Variants in SPTBN5 observed in about 807,000 individuals in gnomAD.
The protein encoded by SPTBN5 is spectrin beta chain, non-erythrocytic 5.
SPTBN5 carries 513 observed loss-of-function variants against 477.6 expected under a neutral mutation model. That is an observed-to-expected ratio of 1.07 (90% CI 1.00 to 1.16). SPTBN5 has a LOEUF of 1.16. Among genes scored for constraint, SPTBN5 ranks in the 50% most tolerant of loss-of-function variants. SPTBN5 has a pLI of 0.00. For missense variants in SPTBN5, 5,062 were observed against 4,731.8 expected (o/e 1.07, Z -2.05); for synonymous variants, 2,169 against 2,011.7 (o/e 1.08, Z -2.09).
chr15:41,876,353 T>C, intron 20 of SPTBN5, 69 bp from the exon 21 acceptor site: 2 of 1,474,364 alleles, frequency 1.4e-6, no homozygotes, highest in Non-Finnish European at 9.0e-7. Context: ...GCCCTGCATC[T>C]GAGGGTGGTG....
rs766019765 is a variant in SPTBN5, at chr15:41,866,509, C to T, written c.6481-16G>A. ...AGTCCTCAGCCTGGTGGGGGTGGGACATGAATGCTGCAATGTTCTGCAGCC... is the reference window on the plus strand; with the variant it reads ...AGTCCTCAGCCTGGTGGGGGTGGGATATGAATGCTGCAATGTTCTGCAGCC... On this transcript the variant is annotated splice_polypyrimidine_tract_variant and intron_variant, in intron 36 of 67. Coordinates refer to ENST00000320955, the MANE Select transcript of SPTBN5 (RefSeq NM_016642.4). 1.9e-6 allele frequency: 3 copies of T among 1,538,850 alleles called. No homozygotes were observed. The highest frequency in any genetic ancestry group is 2.8e-5 in the African/African-American group (2 of 72,388).
In SPTBN5 at chr15:41,881,500, A is replaced by G. The variant is rs113231267; in HGVS notation, c.2458-266T>C. ...GAAAGAGGGCTGTGAGCCAAGCTAT[A>G]CGTGTTTTAAAGAACTTTGGGGGCT... On this transcript the variant is annotated intron_variant, in intron 12 of 67. Coordinates refer to ENST00000320955, the MANE Select transcript of SPTBN5 (RefSeq NM_016642.4). 7.8e-3 allele frequency among the ~76,000 whole-genome samples: 1,181 copies of G among 152,252 alleles called. 19 individuals carry two copies. Among genetic ancestry groups the G allele is most frequent in the African/African-American group, 0.026 (1,100 of 41,516 alleles).
chr15:41,848,669 C>T (rs1329218432), intron 67 of SPTBN5, 41 bp from the exon 68 acceptor site: 4 of 1,612,730 alleles, frequency 2.5e-6, no homozygotes. Context: ...GTATGGCCAC[C>T]CCAGAATCTT....
intron 14 of SPTBN5, 55 bp from the exon 15 acceptor site, chr15:41,879,919 C>G: frequency 6.2e-7 from 1 of 1,606,410 alleles, no homozygotes; most frequent in South Asian, 1.1e-5. Context: ...TTCCACACTC[C>G]CCTCTAGCCT....
Position 41,855,189 on chromosome 15 carries a change from C to T in SPTBN5, c.9423+35G>A, listed in dbSNP as rs753519490. 1.9e-6 allele frequency: 3 copies of T among 1,583,498 alleles called. No individual in the cohort carries two copies. The African/African-American group carries it at 4.0e-5, about 21-fold the overall frequency. ...AGGGCAGGCCTTCCTCAGCCTCTGCCCACTCCCCGTGAGGTTTGCTCAGGA... is the reference window on the plus strand; with the variant it reads ...AGGGCAGGCCTTCCTCAGCCTCTGCTCACTCCCCGTGAGGTTTGCTCAGGA... On this transcript the variant is annotated intron_variant, in intron 55 of 67. Transcript: ENST00000320955.
rs774286267 is a variant in SPTBN5 at position 41,893,347 on chromosome 15, G to C, written c.151C>G (p.Arg51Gly). The C allele has an allele frequency of 6.8e-6, 11 of 1,614,004 alleles. No individual in the cohort carries two copies. Among genetic ancestry groups the C allele is most frequent in the Non-Finnish European group, 9.3e-6 (11 of 1,179,896 alleles). Reference protein sequence around the residue: ...ETGHIRKLQARHMQMQEKTFT... With the variant: ...ETGHIRKLQAGHMQMQEKTFT... ...GTCTTCTCCTGCATCTGCATGTGCC[G>C]GGCCTGTAGCTTGCGAATGTGGCCC... Residue 51 changes from arginine (R) to glycine (G), a missense_variant, in exon 2 of 68, where the codon CGG becomes GGG. Arg to Gly is a moderately radical substitution (Grantham distance 125, BLOSUM62 -2). Coordinates refer to ENST00000320955, the MANE Select transcript of SPTBN5 (RefSeq NM_016642.4).
chr15:41,866,865 C>A, intron 36 of SPTBN5, 94 bp downstream of exon 36: 1 of 1,426,494 alleles, frequency 7.0e-7, no homozygotes, highest in South Asian at 1.4e-5. Flanking sequence ...ACCCCCGAAC[C>A]TGTTTCCGCC....
Position 41,882,997 on chromosome 15 carries a change from G to T in SPTBN5, c.1891C>A (p.Arg631=). Residue 631 remains arginine, a splice_region_variant and synonymous_variant, in exon 9 of 68, where the codon CGG becomes AGG. Transcript: ENST00000320955. The part of the protein sequence containing the change: ...QQSLVALVRA[R]RALLEQTLQR... ...GGAAGAGTTGGGGCAGGCTCTTACC[G>T]GGCCCTGACAAGAGCCACCAGGCTC... 1 of 1,537,884 alleles carries T rather than the reference G, an allele frequency of 6.5e-7. No homozygotes were observed. The highest frequency in any genetic ancestry group is 8.7e-7 in the Non-Finnish European group (1 of 1,145,474).
In SPTBN5 at chr15:41,853,577, C is replaced by T; in HGVS notation, c.9980+5G>A. On this transcript the variant is annotated splice_donor_5th_base_variant and intron_variant, in intron 58 of 67. Transcript: ENST00000320955. ...CTGAGCCGGCAGCTGAGGTAGGACACCTACAGCAGTTCCTGGCAGCGCCCG... is the reference window on the plus strand; with the variant it reads ...CTGAGCCGGCAGCTGAGGTAGGACATCTACAGCAGTTCCTGGCAGCGCCCG... The T allele has an allele frequency of 6.4e-7, 1 of 1,567,282 alleles. No homozygotes were observed. Among genetic ancestry groups the T allele is most frequent in the Non-Finnish European group, 8.7e-7 (1 of 1,153,038 alleles).
Position 41,888,748 on chromosome 15 carries a change from A to G in SPTBN5, c.502-663T>C, listed in dbSNP as rs1358699359. ...AGTGCTGGAATTACAGGTGTTAGCC[A>G]CCATGCCCAGCCTCACTTCCTGTTT... On this transcript the variant is annotated intron_variant, in intron 4 of 67. Transcript: ENST00000320955. Among the ~76,000 whole-genome samples the G allele has an allele frequency of 2.6e-5, 4 of 152,236 alleles. No individual in the cohort carries two copies. In the East Asian group the frequency reaches 7.7e-4, roughly 29 times the overall value.
At chr15:41,851,645 C>CT in intron 63 of SPTBN5, 134 bp downstream of exon 63, 1 of 697,922 alleles carries the variant, frequency 1.4e-6, no homozygotes, top group South Asian at 1.9e-5. Context: ...GCCAAACTGC[C>CT]TGGACAGCAT....
rs1162419045 is a variant in SPTBN5, at chr15:41,876,373, C to T, written c.3952-89G>A. On this transcript the variant is annotated intron_variant, in intron 20 of 67. Transcript: ENST00000320955. ...GCATCTGAGGGTGGTGTGGCCACAG[C>T]CCCTGTTTTCCTCCTCAGGAAAAAC... 2.8e-6 allele frequency: 4 copies of T among 1,446,596 alleles called. No individual in the cohort carries two copies. In the East Asian group the frequency reaches 1.0e-4, roughly 36 times the overall value. The allele number at this position is 1,446,596 out of a possible 1,614,324, so 89.6% of individuals were successfully genotyped here. A position where few individuals can be genotyped will look rare whatever the true frequency, so the allele number is the denominator to read the frequency against.
At chr15:41,858,824 G>GTGGCCTTTCCCT in intron 48 of SPTBN5, 66 bp downstream of exon 48, 1 of 1,551,210 alleles carries the variant, frequency 6.4e-7, no homozygotes, top group African/African-American at 1.4e-5. Flanking sequence ...CCCAGAGGAA[G>GTGGCCTTTCCCT]GGTGGCCTTT....
intron 31 of SPTBN5, 46 bp downstream of exon 31, chr15:41,870,197 G>A (rs2140941321): frequency 6.6e-7 from 1 of 1,524,404 alleles, no homozygotes; most frequent in Non-Finnish European, 8.8e-7. Flanking sequence ...GCCAGCCTGA[G>A]GGGGCTGCAG....
Position 41,862,680 on chromosome 15 carries a change from C to T in SPTBN5, c.7264-20G>A, listed in dbSNP as rs765415939. The T allele has an allele frequency of 1.9e-6, 3 of 1,545,190 alleles. No individual in the cohort carries two copies. In the African/African-American group the frequency reaches 4.1e-5, roughly 21 times the overall value. On this transcript the variant is annotated intron_variant, in intron 42 of 67. Coordinates refer to ENST00000320955, the MANE Select transcript of SPTBN5 (RefSeq NM_016642.4). ...TAGGGACTGCGGGGGAAGCCGGGGT[C>T]AGAGGCTGGGGCAGGGGAGCTCTGG...
In SPTBN5 at chr15:41,856,866, T is replaced by G. The variant is rs1408869219; in HGVS notation, c.8795A>C (p.Gln2932Pro). ...GQSLSAVRHL[Q>P]EQHQNLESEM... ...GTGGGCCCACACCTGGTGCTGCTCC[T>G]GCAGGTGCCGCACCGCACTCAGGCT... is the stretch of plus-strand genomic sequence containing the variant. Residue 2932 changes from glutamine to proline, a missense_variant, in exon 52 of 68, where the codon CAG becomes CCG. Coordinates refer to ENST00000320955, the MANE Select transcript of SPTBN5 (RefSeq NM_016642.4). 2 of 1,547,246 alleles carry G rather than the reference T, an allele frequency of 1.3e-6. No homozygotes were observed. Among genetic ancestry groups the G allele is most frequent in the East Asian group, 4.9e-5 (2 of 40,792 alleles).
Position 41,877,233 on chromosome 15 carries a change from C to T in SPTBN5, c.3594G>A (p.Glu1198=), listed in dbSNP as rs766533235. ...CCTCTTGCAGCCACTGCTGCCTCTG[C>T]TCCCACAAAACCTTCAGCTCCTGGC... The part of the protein sequence containing the change: ...QQGQELKVLW[E]QRQQWLQEGL... The change falls in exon 18 of 68, where the codon GAG becomes GAA. Residue 1198 remains glutamate (E), a synonymous_variant. Transcript: ENST00000320955. 34 of 1,613,914 alleles carry T rather than the reference C, an allele frequency of 2.1e-5. No individual in the cohort carries two copies. The highest frequency in any genetic ancestry group is 2.9e-5 in the Non-Finnish European group (34 of 1,179,916).
In SPTBN5 at chr15:41,868,134, C is replaced by T. The variant is rs776041899; in HGVS notation, c.6142G>A (p.Glu2048Lys). 2.3e-5 allele frequency: 37 copies of T among 1,595,900 alleles called. No homozygotes were observed. Among genetic ancestry groups the T allele is most frequent in the East Asian group, 4.5e-5 (2 of 44,180 alleles). Residue 2048 changes from glutamate (E) to lysine (K), a missense_variant, in exon 34 of 68, where the codon GAG becomes AAG. Glu to Lys is a moderately conservative substitution (Grantham distance 56). Coordinates refer to ENST00000320955, the MANE Select transcript of SPTBN5 (RefSeq NM_016642.4). ...CTGAGGAAGAGCTGCTCCTGCTGCT[C>T]GGCCTGCAGCCTCTCTTGCTTCCGT... ...WARKQERLQA[E>K]QQEQLFLREC... is the part of the protein sequence containing the mutation.
At position 41,855,262 on chromosome 15, in the gene SPTBN5, C is replaced by G. The variant is rs61731599; in HGVS notation, c.9385G>C (p.Glu3129Gln). ...AWLTTKAATA[E>Q]SQDYGQDLEG... ...AGGTCCTGCCCGTAGTCCTGGGACT[C>G]GGCGGTGGCCGCCTTGGTGGTCAGC... is the stretch of plus-strand genomic sequence containing the variant. The change falls in exon 55 of 68, where the codon GAG becomes CAG. Residue 3129 changes from glutamate to glutamine, a missense_variant. By Grantham distance (29) the Glu-to-Gln change is conservative. Coordinates refer to ENST00000320955, the MANE Select transcript of SPTBN5 (RefSeq NM_016642.4). 6.2e-7 allele frequency: 1 copy of G among 1,612,454 alleles called. No homozygotes were observed. Among genetic ancestry groups the G allele is most frequent in the African/African-American group, 1.3e-5 (1 of 75,072 alleles).
Sources: allele counts gnomAD v4.1 joint callset (sites outside exome capture counted in the v4.1 genomes callset), GRCh38; gene constraint gnomAD v4.1.1; transcripts MANE v1.5; gene names NCBI Gene and HGNC (gene_info 2026-07-23, HGNC 2026-07-21).